The following PPP6R3 variants were observed in gnomAD, a reference collection of about 807,000 sequenced individuals.
PPP6R3 encodes the protein protein phosphatase 6 regulatory subunit 3.
A neutral mutation model predicts 110.7 loss-of-function variants in PPP6R3; 38 were observed. The observed-to-expected ratio is 0.34, with a 90% CI of 0.26 to 0.45. The LOEUF (loss-of-function observed/expected upper bound fraction) is 0.45, where lower values mean the gene tolerates loss of function less well. Ranked by LOEUF, PPP6R3 falls within the 20% of genes least tolerant of loss-of-function variation. The probability of loss-of-function intolerance (pLI) is 1.00; values close to 1 mark genes in which losing one functional copy is unlikely to be tolerated. For missense variants in PPP6R3, 870 were observed against 1,062.4 expected (o/e 0.82, Z 2.52); for synonymous variants, 369 against 373.5 (o/e 0.99, Z 0.14).
chr11:68,551,331 TAC>T (rs2099374089), intron 6 of PPP6R3, 145 bp downstream of exon 6: 1 of 637,548 alleles, frequency 1.6e-6, no homozygotes, highest in Non-Finnish European at 2.6e-6. Flanking sequence ...TTAAAGTTGA[TAC>T]TTTTCTAAAC....
intron 1 of PPP6R3, among the ~76,000 whole-genome samples, chr11:68,495,786 T>G (rs2099011751): frequency 6.6e-6 from 1 of 152,254 alleles, no homozygotes; most frequent in South Asian, 2.1e-4. Flanking sequence ...ATAATGCTGC[T>G]GTAGACATTT....
At chr11:68,496,853 CTTTTTTTTTTTTTT>C (rs1157617908) in intron 1 of PPP6R3, among the ~76,000 whole-genome samples, 2 of 61,272 alleles carry the variant, frequency 3.3e-5, no homozygotes, top group Non-Finnish European at 6.0e-5. Context: ...ATATTCTTGT[CTTTTTTTTTTTTTT>C]TTTTTTTTTT....
chr11:68,567,198 T>G (rs1228253441), intron 10 of PPP6R3, 32 bp downstream of exon 10: 1 of 1,507,004 alleles, frequency 6.6e-7, no homozygotes, highest in Admixed American at 2.2e-5. Context: ...GACATTTTAA[T>G]TTGCCATTGA....
intron 22 of PPP6R3, among the ~76,000 whole-genome samples, chr11:68,604,598 A>G (rs1040411860): frequency 1.3e-5 from 2 of 152,244 alleles, no homozygotes; most frequent in Non-Finnish European, 2.9e-5. Context: ...TTGATAGGCT[A>G]TGATTTATAC....
At chr11:68,583,211 C>A in intron 15 of PPP6R3, 82 bp downstream of exon 15, 3 of 1,073,696 alleles carry the variant, frequency 2.8e-6, no homozygotes, top group Admixed American at 2.7e-5. Flanking sequence ...GCTTCAGAGT[C>A]AGATTATGTA....
At chr11:68,582,441 T>C (rs1266891034) in intron 14 of PPP6R3, among the ~76,000 whole-genome samples, 2 of 152,176 alleles carry the variant, frequency 1.3e-5, no homozygotes, top group African/African-American at 4.8e-5. Context: ...TGAAAGTTGG[T>C]TGTAAGTTCT....
chr11:68,463,777 G>C (rs1208575679), intron 1 of PPP6R3, among the ~76,000 whole-genome samples: 1 of 152,114 alleles, frequency 6.6e-6, no homozygotes, highest in African/African-American at 2.4e-5. Context: ...ATTGTCTTTT[G>C]ATTTACTCTA....
At chr11:68,482,039 A>T (rs1185244666) in intron 1 of PPP6R3, among the ~76,000 whole-genome samples, 1 of 151,762 alleles carries the variant, frequency 6.6e-6, no homozygotes, top group South Asian at 2.1e-4. Flanking sequence ...AAATTATCTC[A>T]CCTTTCTAAG....
At chr11:68,486,616 A>AT (rs1214891249) in intron 1 of PPP6R3, among the ~76,000 whole-genome samples, 1 of 151,496 alleles carries the variant, frequency 6.6e-6, no homozygotes, top group Non-Finnish European at 1.5e-5. Context: ...AAAAAAAAAA[A>AT]AAAAAAAAAA....
Position 68,600,335 on chromosome 11 carries a change from T to C in PPP6R3, c.2039-6T>C. The C allele has an allele frequency of 6.2e-7, 1 of 1,613,192 alleles. No homozygotes were observed. The highest frequency in any genetic ancestry group is 8.5e-7 in the Non-Finnish European group (1 of 1,179,234). On this transcript the variant is annotated splice_region_variant and splice_polypyrimidine_tract_variant and intron_variant, in intron 19 of 23. Transcript: ENST00000393800. ...TTTCCAAATAGAATTTCTCCCCTCT[T>C]TTTAGCACCCAACTGGTCAGCTAAC...
At chr11:68,578,046 ACCACTT>A (rs2099538785) in intron 14 of PPP6R3, among the ~76,000 whole-genome samples, 1 of 152,152 alleles carries the variant, frequency 6.6e-6, no homozygotes, top group Non-Finnish European at 1.5e-5. Context: ...TTTCTTAAAT[ACCACTT>A]CCGTTTAGTC....
At chr11:68,489,552 T>TTG (rs1413767280) in intron 1 of PPP6R3, among the ~76,000 whole-genome samples, 138 of 145,052 alleles carry the variant, frequency 9.5e-4, no homozygotes, top group African/African-American at 3.5e-3. Context: ...TACTGTGTGT[T>TTG]TGTGTGTGTG....
At chr11:68,520,217 A>T (rs1270441356) in intron 2 of PPP6R3, among the ~76,000 whole-genome samples, 1 of 152,208 alleles carries the variant, frequency 6.6e-6, no homozygotes, top group African/African-American at 2.4e-5. Context: ...AGTTAATCAA[A>T]TTTCACTTGT....
intron 1 of PPP6R3, among the ~76,000 whole-genome samples, chr11:68,480,751 A>G (rs183085563): frequency 1.3e-4 from 20 of 152,360 alleles, no homozygotes; most frequent in Admixed American, 1.0e-3. Context: ...AGCGTCAGCT[A>G]GTATTCAAAA....
intron 19 of PPP6R3, among the ~76,000 whole-genome samples, chr11:68,597,992 A>C (rs2099619357): frequency 6.6e-6 from 1 of 151,942 alleles, no homozygotes; most frequent in Non-Finnish European, 1.5e-5. Flanking sequence ...AAAAAAAAAA[A>C]GTACAGTTCA....
At chr11:68,608,840 C>T (rs1941830322) in intron 22 of PPP6R3, among the ~76,000 whole-genome samples, 1 of 152,136 alleles carries the variant, frequency 6.6e-6, no homozygotes, top group African/African-American at 2.4e-5. Flanking sequence ...GAATTAGAAA[C>T]ACATTAGTTG....
intron 1 of PPP6R3, among the ~76,000 whole-genome samples, chr11:68,489,603 A>G (rs1324911507): frequency 6.7e-6 from 1 of 149,180 alleles, no homozygotes; most frequent in Non-Finnish European, 1.5e-5. Context: ...TTGAAGGTTT[A>G]TGGCAACCCC....
At chr11:68,510,374 G>T (rs2099102765) in intron 1 of PPP6R3, among the ~76,000 whole-genome samples, 1 of 151,948 alleles carries the variant, frequency 6.6e-6, no homozygotes, top group South Asian at 2.1e-4. Context: ...GTTTTGTTAG[G>T]TAGCCCAGGC....
intron 14 of PPP6R3, among the ~76,000 whole-genome samples, chr11:68,579,999 G>T (rs949523607): frequency 1.3e-5 from 2 of 152,206 alleles, no homozygotes; most frequent in African/African-American, 4.8e-5. Context: ...GTTTCAGATG[G>T]TAAGTGCTAA....
Sources: allele counts gnomAD v4.1 joint callset (sites outside exome capture counted in the v4.1 genomes callset), GRCh38; gene constraint gnomAD v4.1.1; transcripts MANE v1.5; gene names NCBI Gene and HGNC (gene_info 2026-07-23, HGNC 2026-07-21).